PTPRS: variants seen among roughly 807,000 people sequenced by gnomAD.
PTPRS encodes the protein protein tyrosine phosphatase receptor type S, also known as receptor-type tyrosine-protein phosphatase S.
Under a neutral mutation model 215.3 loss-of-function variants are expected in PTPRS, and 63 were observed. The ratio of observed to expected loss-of-function variants is 0.29; its 90% confidence interval spans 0.24 to 0.36. The LOEUF (loss-of-function observed/expected upper bound fraction) is 0.36. Among genes scored for constraint, PTPRS ranks in the 10% least tolerant of loss-of-function variants. The probability of loss-of-function intolerance (pLI) is 1.00; values close to 1 mark genes in which losing one functional copy is unlikely to be tolerated. For missense variants in PTPRS, 2,258 were observed against 2,825.8 expected, an observed-to-expected ratio of 0.80 and a Z score of 4.56; for synonymous variants, 1,404 against 1,191.4, an observed-to-expected ratio of 1.18 and a Z score of -3.68.
intron 1 of PTPRS, among the ~76,000 whole-genome samples, chr19:5,332,669 C>A (rs1850348211): frequency 6.6e-6 from 1 of 152,218 alleles, no homozygotes; most frequent in African/African-American, 2.4e-5. Context: ...TGTCCATCCT[C>A]CTGCGCAAGG....
At chr19:5,256,234 T>A in intron 8 of PTPRS, 115 bp from the exon 9 acceptor site, 2 of 767,940 alleles carry the variant, frequency 2.6e-6, no homozygotes, top group Non-Finnish European at 3.7e-6. Context: ...GCTGCAATAG[T>A]TTGTTGTTTT....
Position 5,215,272 on chromosome 19 carries a change from CG to C in PTPRS, c.4318+16del. 6.2e-7 allele frequency: 1 copy of C among 1,613,078 alleles called. No individual in the cohort carries two copies. On this transcript the variant is annotated intron_variant, in intron 28 of 37. Coordinates refer to ENST00000262963, the MANE Select transcript of PTPRS (RefSeq NM_002850.4). ...CAGTGGGGAAGGGCAGGTTAAGACC[CG>C]GGATCTCCGAACTACCTTCAATGGG... is the stretch of plus-strand genomic sequence containing the variant.
At chr19:5,306,914 G>A (rs1470659337) in intron 1 of PTPRS, among the ~76,000 whole-genome samples, 1 of 152,178 alleles carries the variant, frequency 6.6e-6, no homozygotes, top group African/African-American at 2.4e-5. Context: ...CTACCCGGCA[G>A]ACACTTTCCC....
At position 5,257,975 on chromosome 19, in the gene PTPRS, G is replaced by T; in HGVS notation, c.706+42C>A. ...GCCCGAGGAGGGAGGGGGATGGGACGGGGCGGGTCCCTGCCTTTGACCTGG... is the reference window on the plus strand; with the variant it reads ...GCCCGAGGAGGGAGGGGGATGGGACTGGGCGGGTCCCTGCCTTTGACCTGG... On this transcript the variant is annotated intron_variant, in intron 8 of 37. Coordinates refer to ENST00000262963, the MANE Select transcript of PTPRS (RefSeq NM_002850.4). This position sits in a 1 kb window ranked among gnomAD's most constrained non-coding sequence, Gnocchi z 4.4. 6.5e-7 allele frequency: 1 copy of T among 1,541,590 alleles called. No individual in the cohort carries two copies. Among genetic ancestry groups the T allele is most frequent in the Non-Finnish European group, 8.9e-7 (1 of 1,121,874 alleles).
At chr19:5,224,522 C>T (rs1340396367) in intron 17 of PTPRS, among the ~76,000 whole-genome samples, 5 of 152,076 alleles carry the variant, frequency 3.3e-5, no homozygotes, top group Admixed American at 2.0e-4. Flanking sequence ...ATCAATGTGC[C>T]GAGAGAGGTT....
At chr19:5,217,541 CAAA>C (rs3831633) in intron 25 of PTPRS, among the ~76,000 whole-genome samples, 20 of 149,864 alleles carry the variant, frequency 1.3e-4, no homozygotes, top group African/African-American at 4.7e-4. Context: ...AGTCCAGAGA[CAAA>C]AAAAAAGAAA....
intron 1 of PTPRS, among the ~76,000 whole-genome samples, chr19:5,300,479 T>C (rs1422611708): frequency 6.6e-6 from 1 of 151,566 alleles, no homozygotes; most frequent in African/African-American, 2.4e-5. Flanking sequence ...GCTTTCTAAA[T>C]GAAGAAGTGG....
intron 1 of PTPRS, among the ~76,000 whole-genome samples, chr19:5,328,030 T>A (rs936925815): frequency 2.6e-5 from 4 of 152,186 alleles, no homozygotes; most frequent in African/African-American, 9.7e-5. Flanking sequence ...TTCCCTGACC[T>A]CCTGACACTG....
intron 17 of PTPRS, among the ~76,000 whole-genome samples, chr19:5,224,251 C>T (rs1038708070): frequency 3.3e-5 from 5 of 152,150 alleles, no homozygotes; most frequent in African/African-American, 9.7e-5. Flanking sequence ...GAGGGAACCA[C>T]GAGAAGATCT....
At chr19:5,226,331 C>T (rs1013175886) in intron 16 of PTPRS, among the ~76,000 whole-genome samples, 14 of 152,246 alleles carry the variant, frequency 9.2e-5, no homozygotes, top group Non-Finnish European at 1.8e-4. Context: ...CCCCTGTCTA[C>T]ACCCACTGGT....
At chr19:5,211,217 G>T (rs769035237) in intron 33 of PTPRS, among the ~76,000 whole-genome samples, 3 of 152,140 alleles carry the variant, frequency 2.0e-5, no homozygotes, top group Admixed American at 1.3e-4. Flanking sequence ...TTGACATTTG[G>T]CGCTGGATTG....
intron 2 of PTPRS, 28 bp from the exon 3 acceptor site, chr19:5,274,372 G>A: frequency 6.3e-7 from 1 of 1,591,844 alleles, no homozygotes; most frequent in African/African-American, 1.3e-5. Context: ...AGAAGGGGGG[G>A]CGCTGATGGG....
intron 4 of PTPRS, among the ~76,000 whole-genome samples, chr19:5,269,958 CA>C (rs1232468700): frequency 1.4e-5 from 2 of 148,074 alleles, no homozygotes; most frequent in African/African-American, 5.0e-5. Flanking sequence ...TGGATGGGCG[CA>C]GGGGGCATTT....
intron 2 of PTPRS, among the ~76,000 whole-genome samples, chr19:5,285,404 T>C (rs912996757): frequency 6.6e-6 from 1 of 152,232 alleles, no homozygotes; most frequent in Non-Finnish European, 1.5e-5. Context: ...AAATGCTTCC[T>C]TGCCCATCTC....
rs1180729278 is a variant in PTPRS at position 5,244,966 on chromosome 19, C to G, written c.989-484G>C. 6.7e-6 allele frequency among the ~76,000 whole-genome samples: 1 copy of G among 149,958 alleles called. No individual in the cohort carries two copies. ...TACAGGTGTGAGCCACCGCACCCGG[C>G]CTTTTTTTTCTTTTTTCTTTTTTTT... On this transcript the variant is annotated intron_variant, in intron 10 of 37. Coordinates refer to ENST00000262963, the MANE Select transcript of PTPRS (RefSeq NM_002850.4). This position sits in a 1 kb window ranked among gnomAD's most constrained non-coding sequence, Gnocchi z 7.2.
chr19:5,307,728 C>T lies in PTPRS; in HGVS notation c.-94-21494G>A, dbSNP rs188614188. 9.8e-5 allele frequency among the ~76,000 whole-genome samples: 15 copies of T among 152,332 alleles called. No individual in the cohort carries two copies. The East Asian group carries it at 2.5e-3, about 25-fold the overall frequency. On this transcript the variant is annotated intron_variant, in intron 1 of 37. Coordinates refer to ENST00000262963, the MANE Select transcript of PTPRS (RefSeq NM_002850.4). ...TTTAAAATTCAGTTCCTCGGTTGCA[C>T]TGGACACATTTCAAACGCTCAATAG...
rs1599630265 is a variant in PTPRS, at chr19:5,241,016, A to G, written c.1571-684T>C. ...GTGATTCACCTGCCTTAGCCTCCCA[A>G]GTAGCTGGGATTACAGGCACCCGCC... On this transcript the variant is annotated intron_variant, in intron 11 of 37. Coordinates refer to ENST00000262963, the MANE Select transcript of PTPRS (RefSeq NM_002850.4). 2.0e-5 allele frequency among the ~76,000 whole-genome samples: 3 copies of G among 149,170 alleles called. No individual in the cohort carries two copies. The South Asian group carries it at 6.5e-4, about 32-fold the overall frequency.
intron 2 of PTPRS, among the ~76,000 whole-genome samples, chr19:5,280,222 A>G (rs2047730115): frequency 6.6e-6 from 1 of 152,212 alleles, no homozygotes; most frequent in African/African-American, 2.4e-5. Flanking sequence ...GCTATTCAGA[A>G]GCCCAGAGAG....
intron 19 of PTPRS, 130 bp downstream of exon 19, chr19:5,221,993 T>C: frequency 1.4e-6 from 1 of 723,896 alleles, no homozygotes; most frequent in Non-Finnish European, 2.4e-6. Flanking sequence ...GCCTCAATCC[T>C]AGCTGAGACC....
Sources: gnomAD v4.1 joint callset for allele counts (sites outside exome capture counted in the v4.1 genomes callset) on GRCh38, gnomAD v4.1.1 for gene constraint, Gnocchi (gnomAD v3.1) non-coding constraint, MANE v1.5 for transcripts, NCBI Gene and HGNC (gene_info 2026-07-23, HGNC 2026-07-21) for gene names.